AGAP3: variants seen among roughly 807,000 people sequenced by gnomAD.
AGAP3 encodes the protein arf-GAP with GTPase, ANK repeat and PH domain-containing protein 3.
Under a neutral mutation model 96.9 loss-of-function variants are expected in AGAP3, and 24 were observed. The ratio of observed to expected loss-of-function variants is 0.25; its 90% CI spans 0.18 to 0.35. AGAP3 has a LOEUF of 0.35. Ranked by LOEUF, AGAP3 falls within the 10% of genes least tolerant of loss-of-function variation. The probability of loss-of-function intolerance (pLI) is 1.00; values close to 1 mark genes in which losing one functional copy is unlikely to be tolerated. For synonymous variants in AGAP3, 563 were observed against 536.1 expected (o/e 1.05, Z -0.69); for missense variants, 876 against 1,254.2 (o/e 0.70, Z 4.55).
chr7:151,095,449 C>G (rs1798563467), intron 1 of AGAP3, among the ~76,000 whole-genome samples: 1 of 152,164 alleles, frequency 6.6e-6, no homozygotes, highest in African/African-American at 2.4e-5. Flanking sequence ...TTCCCTTTAG[C>G]CTTTTCAGTT....
chr7:151,128,761 A>T (rs1800285419), intron 10 of AGAP3, 77 bp downstream of exon 10: 1 of 1,286,314 alleles, frequency 7.8e-7, no homozygotes, highest in Admixed American at 1.8e-5. Flanking sequence ...CGGGTAGCAG[A>T]CAGGCTCCAG....
intron 8 of AGAP3, among the ~76,000 whole-genome samples, chr7:151,122,461 G>A (rs1179758013): frequency 6.6e-6 from 1 of 152,164 alleles, no homozygotes; most frequent in Non-Finnish European, 1.5e-5. Flanking sequence ...TCCGTGCTGA[G>A]GTGGACGCTT....
At chr7:151,115,394 G>A (rs1799516044) in intron 1 of AGAP3, 5 of 1,020,396 alleles carry the variant, frequency 4.9e-6, no homozygotes, top group South Asian at 4.4e-5. Context: ...CAGGGCTGCT[G>A]GCCCGGCCGC....
In AGAP3 at chr7:151,143,826, C is replaced by G. The variant is rs1311954529; in HGVS notation, c.2619C>G (p.Ile873Met). ...RRAGSQECAD[I>M]LIQHGCPGEG... Reference sequence around the variant, plus strand: ...CCGGCAGCCAGGAGTGTGCAGACATCTTGATCCAGCATGGCTGCCCTGGGG... The same window carrying G: ...CCGGCAGCCAGGAGTGTGCAGACATGTTGATCCAGCATGGCTGCCCTGGGG... Residue 873 changes from isoleucine (I) to methionine (M), a missense_variant, in exon 18 of 18, where the codon ATC (isoleucine) becomes ATG (methionine). Physicochemically the swap from Ile to Met is conservative, Grantham distance 10. Transcript: ENST00000397238. The surrounding 1 kb of genome is among the most constrained non-coding windows in gnomAD (Gnocchi z 5.9). 1 of 1,614,080 alleles carries G rather than the reference C, an allele frequency of 6.2e-7. No homozygotes were observed. Among genetic ancestry groups the G allele is most frequent in the Non-Finnish European group, 8.5e-7 (1 of 1,180,036 alleles).
At chr7:151,128,805 T>A in intron 10 of AGAP3, 121 bp downstream of exon 10, 1 of 841,404 alleles carries the variant, frequency 1.2e-6, no homozygotes, top group East Asian at 2.6e-5. Context: ...TGATTTCAAA[T>A]GGCTCATCCC....
At chr7:151,121,308 C>G (rs1008541162) in intron 8 of AGAP3, among the ~76,000 whole-genome samples, 1 of 152,168 alleles carries the variant, frequency 6.6e-6, no homozygotes, top group Admixed American at 6.5e-5. Flanking sequence ...GCAGCTTCTC[C>G]TTTCTATCCA....
intron 9 of AGAP3, among the ~76,000 whole-genome samples, chr7:151,124,838 G>C (rs759540368): frequency 6.6e-6 from 1 of 152,204 alleles, no homozygotes; most frequent in Non-Finnish European, 1.5e-5. Context: ...TCCAAGCAGA[G>C]TAGTGTCCCA....
At chr7:151,117,966 C>T (rs891953929) in intron 5 of AGAP3, 189 bp downstream of exon 5, 3 of 909,638 alleles carry the variant, frequency 3.3e-6, no homozygotes, top group Non-Finnish European at 4.8e-6. Context: ...CCTGCTGTCC[C>T]TGTGACTAGC....
intron 10 of AGAP3, among the ~76,000 whole-genome samples, chr7:151,130,119 C>T (rs1424638160): frequency 6.6e-6 from 1 of 152,214 alleles, no homozygotes; most frequent in Non-Finnish European, 1.5e-5. Context: ...TTGAAATGTC[C>T]ATTTCCCCAC....
intron 1 of AGAP3, among the ~76,000 whole-genome samples, chr7:151,102,192 AGC>A (rs1370428804): frequency 2.0e-5 from 3 of 152,190 alleles, no homozygotes; most frequent in African/African-American, 7.2e-5. Flanking sequence ...GAGGGTGGCG[AGC>A]AGGTTTCTGC....
In AGAP3 at chr7:151,139,875, A is replaced by G. The variant is rs957034161; in HGVS notation, c.1667-104A>G. 24 of 1,159,934 alleles carry G rather than the reference A, an allele frequency of 2.1e-5. No homozygotes were observed. Among genetic ancestry groups the G allele is most frequent in the Non-Finnish European group, 2.7e-5 (24 of 882,694 alleles). 71.9% of individuals were successfully genotyped at this position (1,159,934 alleles called of 1,614,324 possible). A position where few individuals can be genotyped will look rare whatever the true frequency, so the allele number is the denominator to read the frequency against. ...CGTCTGGCTCTCCTGAGTGTGGCCC[A>G]GCTACAGTTGGCAGGACTGGTCCTC... On this transcript the variant is annotated intron_variant, in intron 12 of 17. Coordinates refer to ENST00000397238, the MANE Select transcript of AGAP3 (RefSeq NM_031946.7). This position sits in a 1 kb window ranked among gnomAD's most constrained non-coding sequence, Gnocchi z 4.9.
chr7:151,117,895 G>T, intron 5 of AGAP3, 118 bp downstream of exon 5: 1 of 1,356,490 alleles, frequency 7.4e-7, no homozygotes, highest in South Asian at 1.5e-5. Flanking sequence ...TCCCAGTGCT[G>T]ACTGGGACCC....
Position 151,086,891 on chromosome 7 carries a change from G to T in AGAP3, c.150G>T (p.Ser50=). ...GGGCCGGGGGCGGCGGCGGCCCCTCGCAGCAGCTGGCCGGCGGGCCCCCCC... is the reference window on the plus strand; with the variant it reads ...GGGCCGGGGGCGGCGGCGGCCCCTCTCAGCAGCTGGCCGGCGGGCCCCCCC... ...GPGAGGGGGP[S]QQLAGGPPQQ... Residue 50 remains serine, a synonymous_variant, in exon 1 of 18, where the codon TCG becomes TCT. Coordinates refer to ENST00000397238, the MANE Select transcript of AGAP3 (RefSeq NM_031946.7). 7.1e-7 allele frequency: 1 copy of T among 1,399,752 alleles called. No homozygotes were observed. Among genetic ancestry groups the T allele is most frequent in the Non-Finnish European group, 9.4e-7 (1 of 1,066,030 alleles). The allele number at this position is 1,399,752 out of a possible 1,614,324, so 86.7% of individuals were successfully genotyped here. A position where few individuals can be genotyped will look rare whatever the true frequency, so the allele number is the denominator to read the frequency against.
rs1800462183 is a variant in AGAP3 at position 151,133,116 on chromosome 7, C to T, written c.1327-1284C>T. 2.0e-5 allele frequency among the ~76,000 whole-genome samples: 3 copies of T among 152,176 alleles called. No individual in the cohort carries two copies. The highest frequency in any genetic ancestry group is 2.1e-4 in the South Asian group (1 of 4,832). ...GTGCTCACAGAGGGGAAAGGAGGAG[C>T]GGCTTTATGTCCAATCAATGTAATT... is the stretch of plus-strand genomic sequence containing the variant. On this transcript the variant is annotated intron_variant, in intron 10 of 17. Coordinates refer to ENST00000397238, the MANE Select transcript of AGAP3 (RefSeq NM_031946.7). The surrounding 1 kb of genome is among the most constrained non-coding windows in gnomAD (Gnocchi z 5.4).
chr7:151,135,218 G>A (rs368557772), intron 11 of AGAP3, among the ~76,000 whole-genome samples: 5 of 152,086 alleles, frequency 3.3e-5, no homozygotes, highest in Admixed American at 6.5e-5. Flanking sequence ...CGTTTCCCTC[G>A]CTTCCAGAGC....
At position 151,118,790 on chromosome 7, in the gene AGAP3, T is replaced by G. The variant is rs978807576; in HGVS notation, c.969+158T>G. ...TTGGAAACATTGGTTGGAATTCCAT[T>G]TAGCCGGCACCGTAGCCTTGGCCTC... is the stretch of plus-strand genomic sequence containing the variant. On this transcript the variant is annotated intron_variant, in intron 7 of 17. Transcript: ENST00000397238. This position sits in a 1 kb window ranked among gnomAD's most constrained non-coding sequence, Gnocchi z 6.1. Among the ~76,000 whole-genome samples, 3 of 152,164 alleles carry G rather than the reference T, an allele frequency of 2.0e-5. No individual in the cohort carries two copies. The highest frequency in any genetic ancestry group is 2.9e-5 in the Non-Finnish European group (2 of 68,026).
rs1048159237 is a variant in AGAP3 at position 151,129,008 on chromosome 7, G to C, written c.1326+324G>C. Among the ~76,000 whole-genome samples the C allele has an allele frequency of 3.3e-5, 5 of 152,224 alleles. No homozygotes were observed. In the South Asian group the frequency reaches 6.2e-4, roughly 19 times the overall value. ...AGTTGTGTTGAGCTGGGCAGTGCCA[G>C]TGGGGAGCTGTGGGCTTCTGGGCCT... On this transcript the variant is annotated intron_variant, in intron 10 of 17. Coordinates refer to ENST00000397238, the MANE Select transcript of AGAP3 (RefSeq NM_031946.7).
At chr7:151,103,935 C>A (rs1798933547) in intron 1 of AGAP3, among the ~76,000 whole-genome samples, 1 of 152,184 alleles carries the variant, frequency 6.6e-6, no homozygotes, top group Admixed American at 6.5e-5. Flanking sequence ...GGTCTTTGAA[C>A]TGAACTGTGA....
At chr7:151,132,642 G>A (rs558289701) in intron 10 of AGAP3, among the ~76,000 whole-genome samples, 162 of 152,326 alleles carry the variant, frequency 1.1e-3, no homozygotes, top group African/African-American at 3.7e-3. Context: ...GGGAGGCCGC[G>A]TGCTGATGCC....
Sources: allele counts gnomAD v4.1 joint callset (sites outside exome capture counted in the v4.1 genomes callset), GRCh38; gene constraint gnomAD v4.1.1; non-coding constraint Gnocchi (gnomAD v3.1); transcripts MANE v1.5; gene names NCBI Gene and HGNC (gene_info 2026-07-23, HGNC 2026-07-21).